The following FAT1 variants were observed in gnomAD, a reference collection of about 807,000 sequenced individuals.
FAT1 encodes FAT atypical cadherin 1.
In FAT1, 171 loss-of-function variants were observed where a neutral mutation model predicts 329.8. The ratio of observed to expected loss-of-function variants is 0.52; its 90% confidence interval spans 0.46 to 0.59. FAT1 has a LOEUF of 0.59. FAT1 is among the 20% of genes least tolerant of loss of function. The probability of loss-of-function intolerance (pLI) is 0.00; values close to 1 mark genes in which losing one functional copy is unlikely to be tolerated. For missense variants in FAT1, 5,672 were observed against 5,774.4 expected, an observed-to-expected ratio of 0.98 and a Z score of 0.57; for synonymous variants, 2,233 against 2,228.6, an observed-to-expected ratio of 1.00 and a Z score of -0.06.
rs1487528042 is a variant in FAT1 at position 186,603,202 on chromosome 4, T to G, written c.11324A>C (p.His3775Pro). ...TTTGCAGAGACACACCGCTGCCCTG[T>G]GGTGGCGGGGAGTCACAAAACTCAG... ...ARLSFVTPRH[H>P]RAAVCLCKEG... Residue 3775 changes from histidine (H) to proline (P), a missense_variant, in exon 19 of 27, where the codon CAC becomes CCC. This residue lies in a region of FAT1 where 1,706 missense variants were observed against 1,859.1 expected (regional missense o/e 0.92). Coordinates refer to ENST00000441802, the MANE Select transcript of FAT1 (RefSeq NM_005245.4). The G allele has an allele frequency of 6.2e-7, 1 of 1,613,754 alleles. No individual in the cohort carries two copies. Among genetic ancestry groups the G allele is most frequent in the Admixed American group, 1.7e-5 (1 of 59,990 alleles).
Position 186,617,068 on chromosome 4 carries a change from T to C in FAT1, c.9012A>G (p.Ser3004=). 4 of 1,613,878 alleles carry C rather than the reference T, an allele frequency of 2.5e-6. No individual in the cohort carries two copies. The highest frequency in any genetic ancestry group is 1.3e-5 in the African/African-American group (1 of 75,046). ...CTTTCACTTCAACTATCGCTTTTGA[T>C]GAGAAGGTGCCATCAGTTGCCGTGA... ...LTITATDGTF[S]SKAIVEVKVL... The change falls in exon 11 of 27, where the codon TCA becomes TCG. Residue 3004 remains serine, a synonymous_variant. Transcript: ENST00000441802.
chr4:186,608,442 C>T (rs73873655), intron 16 of FAT1, among the ~76,000 whole-genome samples: 1,978 of 152,202 alleles, frequency 0.013, 45 homozygotes, highest in African/African-American at 0.046. Context: ...GGCAGGGTCT[C>T]ACTATGTTGC....
chr4:186,592,942 G>A (rs768711078), intron 26 of FAT1, among the ~76,000 whole-genome samples: 4 of 152,044 alleles, frequency 2.6e-5, no homozygotes, highest in Non-Finnish European at 5.9e-5. Flanking sequence ...TTTTAATCGA[G>A]CTATATATTT....
chr4:186,678,954 T>A (rs1743070914), intron 2 of FAT1, among the ~76,000 whole-genome samples: 1 of 152,060 alleles, frequency 6.6e-6, no homozygotes, highest in African/African-American at 2.4e-5. Flanking sequence ...CAAATGCCCA[T>A]CAGTGATAGA....
At chr4:186,628,427 CG>C in intron 8 of FAT1, 60 bp downstream of exon 8, 1 of 1,609,964 alleles carries the variant, frequency 6.2e-7, no homozygotes, top group South Asian at 1.1e-5. Context: ...TTAAAAATCA[CG>C]CTCGAACACA....
At chr4:186,719,890 GC>G (rs1344971600) in intron 1 of FAT1, among the ~76,000 whole-genome samples, 1 of 152,098 alleles carries the variant, frequency 6.6e-6, no homozygotes, top group Non-Finnish European at 1.5e-5. Flanking sequence ...CCTGCTTTCT[GC>G]CCCCAATCCC....
Position 186,628,345 on chromosome 4 carries a change from G to A in FAT1, c.4619C>T (p.Pro1540Leu), listed in dbSNP as rs374481523. The change falls in exon 9 of 27, where the codon CCT becomes CTT. Residue 1540 changes from proline to leucine, a missense_variant. Pro to Leu is a moderately conservative substitution (Grantham distance 98, BLOSUM62 -3). Around this residue, in one of 2 missense-constraint regions of FAT1, gnomAD observed 3,966 missense variants for 3,915.2 expected, o/e 1.01. Transcript: ENST00000441802. ...AATCCTTGCAAAGTTGCGTTTTACAGGCACATCTTGATCTCGTACCTAAAA... is the reference window on the plus strand; with the variant it reads ...AATCCTTGCAAAGTTGCGTTTTACAAGCACATCTTGATCTCGTACCTAAAA... ...LTVMVRDQDVPVKRNFARIVV... is the reference protein window; with the variant it reads ...LTVMVRDQDVLVKRNFARIVV... 6.2e-7 allele frequency: 1 copy of A among 1,612,862 alleles called. No homozygotes were observed. The highest frequency in any genetic ancestry group is 8.5e-7 in the Non-Finnish European group (1 of 1,179,314).
At chr4:186,643,510 G>A (rs1741197392) in intron 3 of FAT1, among the ~76,000 whole-genome samples, 1 of 152,134 alleles carries the variant, frequency 6.6e-6, no homozygotes, top group Non-Finnish European at 1.5e-5. Context: ...ACCAGGTGAT[G>A]CACCCCCTCT....
intron 2 of FAT1, among the ~76,000 whole-genome samples, chr4:186,668,801 C>A (rs186243711): frequency 6.6e-6 from 1 of 152,250 alleles, no homozygotes; most frequent in Admixed American, 6.5e-5. Flanking sequence ...ATTGGGAAGA[C>A]TTCTAATTAG....
At chr4:186,696,554 G>A (rs1180255778) in intron 2 of FAT1, among the ~76,000 whole-genome samples, 4 of 152,134 alleles carry the variant, frequency 2.6e-5, no homozygotes, top group African/African-American at 4.8e-5. Flanking sequence ...GAACACGGAC[G>A]TCTGAGACAG....
Position 186,706,601 on chromosome 4 carries a change from C to A in FAT1, c.3227G>T (p.Gly1076Val), listed in dbSNP as rs770271386. The change falls in exon 2 of 27, where the codon GGC (glycine) becomes GTC (valine). Residue 1076 changes from glycine to valine, a missense_variant. Gly to Val is a moderately radical substitution (Grantham distance 109). Transcript: ENST00000441802. Reference sequence around the variant, plus strand: ...TATTTTGAAAACACCAACGCCAGAGCCATCTCTAATGGAGTATCGGATCTC... The same window carrying A: ...TATTTTGAAAACACCAACGCCAGAGACATCTCTAATGGAGTATCGGATCTC... ...DGEIRYSIRDGSGVGVFKIGE... is the reference protein window; with the variant it reads ...DGEIRYSIRDVSGVGVFKIGE... 6.2e-7 allele frequency: 1 copy of A among 1,613,000 alleles called. No individual in the cohort carries two copies.
At position 186,643,416 on chromosome 4, in the gene FAT1, A is replaced by T. The variant is rs187409957; in HGVS notation, c.3581-3633T>A. 7.2e-5 allele frequency among the ~76,000 whole-genome samples: 11 copies of T among 152,330 alleles called. No individual in the cohort carries two copies. The East Asian group carries it at 1.7e-3, about 24-fold the overall frequency. On this transcript the variant is annotated intron_variant, in intron 3 of 26. Coordinates refer to ENST00000441802, the MANE Select transcript of FAT1 (RefSeq NM_005245.4). ...TCTAAATTCACAACACTTAGCAAAA[A>T]GAATCTTAGCAAGGCTGCCGTAGTG...
intron 7 of FAT1, among the ~76,000 whole-genome samples, chr4:186,631,367 G>A (rs190045581): frequency 0.01 from 1,494 of 147,642 alleles, 16 homozygotes; most frequent in Admixed American, 0.015. Flanking sequence ...ATCCATCCCC[G>A]CGGTATCCTA....
At chr4:186,623,842 A>G (rs1740164915) in intron 9 of FAT1, among the ~76,000 whole-genome samples, 1 of 152,144 alleles carries the variant, frequency 6.6e-6, no homozygotes, top group South Asian at 2.1e-4. Context: ...CTTGCTCTTT[A>G]TCGGCCATGC....
At chr4:186,724,356 G>A (rs1046674776), upstream of FAT1, among the ~76,000 whole-genome samples, 3 of 152,074 alleles carry the variant, frequency 2.0e-5, no homozygotes, top group Non-Finnish European at 4.4e-5. This position sits in a 1 kb window ranked among gnomAD's most constrained non-coding sequence, Gnocchi z 5.3. Context: ...CCAAAGGAAT[G>A]CAGCTAGGTC....
chr4:186,637,058 C>T, intron 4 of FAT1, 144 bp from the exon 5 acceptor site: 1 of 748,478 alleles, frequency 1.3e-6, no homozygotes, highest in South Asian at 1.8e-5. Flanking sequence ...ATCTTCATTC[C>T]AACAACAGGG....
At chr4:186,713,608 T>C (rs1018454139) in intron 1 of FAT1, among the ~76,000 whole-genome samples, 4 of 152,204 alleles carry the variant, frequency 2.6e-5, no homozygotes, top group Non-Finnish European at 5.9e-5. Flanking sequence ...TCAAAATATT[T>C]ATAATTCTTC....
intron 2 of FAT1, among the ~76,000 whole-genome samples, chr4:186,680,297 C>T (rs1743150115): frequency 6.6e-6 from 1 of 152,204 alleles, no homozygotes; most frequent in Admixed American, 6.5e-5. Context: ...AAAGGCTAAG[C>T]CATCCTATTA....
At chr4:186,597,834 T>C (rs1297164046) in intron 23 of FAT1, 42 bp from the exon 24 acceptor site, 7 of 1,584,072 alleles carry the variant, frequency 4.4e-6, no homozygotes, top group South Asian at 1.1e-5. Context: ...CATGATCCTA[T>C]TGCAAATAAA....
Sources: allele counts gnomAD v4.1 joint callset (sites outside exome capture counted in the v4.1 genomes callset), GRCh38; gene constraint gnomAD v4.1.1; regional missense constraint gnomAD v4.1.1; non-coding constraint Gnocchi (gnomAD v3.1); transcripts MANE v1.5; gene names NCBI Gene and HGNC (gene_info 2026-07-23, HGNC 2026-07-21).